ZNF599: variants seen among roughly 807,000 people sequenced by gnomAD.
The protein encoded by ZNF599 is zinc finger protein 599.
In ZNF599, 10 loss-of-function variants were observed where a neutral mutation model predicts 11.7. The ratio of observed to expected loss-of-function variants is 0.86; its 90% CI spans 0.53 to 1.45. The LOEUF (loss-of-function observed/expected upper bound fraction) is 1.45, where lower values mean the gene tolerates loss of function less well. Ranked by LOEUF, ZNF599 falls within the 40% of genes most tolerant of loss-of-function variation. The probability of loss-of-function intolerance (pLI) is 0.00; values close to 1 mark genes in which losing one functional copy is unlikely to be tolerated. For missense variants in ZNF599, 688 were observed against 713.6 expected (o/e 0.96, Z 0.41); for synonymous variants, 232 against 253.2 (o/e 0.92, Z 0.79).
At chr19:34,779,243 CTTTTTTT>C in the ZNF599 span, among the ~76,000 whole-genome samples, 5 of 57,318 alleles carry the variant, frequency 8.7e-5, no homozygotes, top group African/African-American at 2.9e-4. Context: ...CCATGCCCAG[CTTTTTTT>C]TTTTTTTTTT....
At chr19:34,762,641 T>G (rs1173135258) in intron 3 of ZNF599, among the ~76,000 whole-genome samples, 1 of 152,128 alleles carries the variant, frequency 6.6e-6, no homozygotes, top group Non-Finnish European at 1.5e-5. Context: ...TGCAATTGAC[T>G]CTAGCAGGAA....
chr19:34,776,725 G>A (rs2145472376), upstream of ZNF599, among the ~76,000 whole-genome samples: 1 of 152,352 alleles, frequency 6.6e-6, no homozygotes, highest in South Asian at 2.1e-4. Flanking sequence ...GCCAGTGGTA[G>A]AAGAAAACAG....
At chr19:34,803,526 G>A in the ZNF599 span, among the ~76,000 whole-genome samples, 1 of 152,094 alleles carries the variant, frequency 6.6e-6, no homozygotes. Flanking sequence ...AGCCTCTCTT[G>A]AGGACCCCCA....
chr19:34,760,930 A>T (rs1027510678), intron 3 of ZNF599, among the ~76,000 whole-genome samples: 1 of 152,212 alleles, frequency 6.6e-6, no homozygotes, highest in Non-Finnish European at 1.5e-5. Context: ...GGCCCAGATG[A>T]GAGACAGAGA....
the ZNF599 span, among the ~76,000 whole-genome samples, chr19:34,785,324 C>T: frequency 6.6e-6 from 1 of 152,194 alleles, no homozygotes; most frequent in Non-Finnish European, 1.5e-5. Context: ...TGGACTATTG[C>T]AGTAGCCTAT....
chr19:34,769,627 C>T (rs1600159174), intron 1 of ZNF599, 72 bp from the exon 2 acceptor site: 4 of 1,560,532 alleles, frequency 2.6e-6, no homozygotes, highest in Non-Finnish European at 3.5e-6. Flanking sequence ...TTCTTGGTTA[C>T]TGGCAAAGGG....
upstream of ZNF599, among the ~76,000 whole-genome samples, chr19:34,774,862 A>C (rs75618329): frequency 3.9e-5 from 6 of 152,228 alleles, no homozygotes; most frequent in East Asian, 1.2e-3. Context: ...AAACCATATA[A>C]TATTATGGGG....
intron 1 of ZNF599, chr19:34,772,491 C>T (rs2069189634): frequency 8.2e-7 from 1 of 1,212,674 alleles, no homozygotes; most frequent in Non-Finnish European, 1.0e-6. Context: ...ACAGGACCCA[C>T]GTCACAAGCG....
At chr19:34,780,801 GGAAAGAAAGAGAAA>G in the ZNF599 span, among the ~76,000 whole-genome samples, 2 of 147,912 alleles carry the variant, frequency 1.4e-5, no homozygotes, top group South Asian at 2.1e-4. Flanking sequence ...GAGAAAGAGA[GGAAAGAAAGAGAAA>G]GAAAGAAAGG....
chr19:34,805,448 G>A, the ZNF599 span, among the ~76,000 whole-genome samples: 1 of 151,900 alleles, frequency 6.6e-6, no homozygotes, highest in Non-Finnish European at 1.5e-5. Flanking sequence ...CACCCGCCTC[G>A]GCCTCCCAAA....
upstream of ZNF599, among the ~76,000 whole-genome samples, chr19:34,775,521 A>T (rs1195479072): frequency 6.6e-6 from 1 of 152,218 alleles, no homozygotes; most frequent in Non-Finnish European, 1.5e-5. Flanking sequence ...ATTGATATCT[A>T]AGGGATATGG....
the ZNF599 span, among the ~76,000 whole-genome samples, chr19:34,798,464 A>G: frequency 3.3e-5 from 5 of 152,190 alleles, no homozygotes; most frequent in Admixed American, 1.3e-4. Flanking sequence ...TTGCTAATCT[A>G]TAAATTCCTA....
chr19:34,776,653 C>A (rs1281950615), upstream of ZNF599, among the ~76,000 whole-genome samples: 1 of 152,108 alleles, frequency 6.6e-6, no homozygotes, highest in African/African-American at 2.4e-5. Context: ...TTAGTGGAGC[C>A]CCAAAGTGGG....
the ZNF599 span, among the ~76,000 whole-genome samples, chr19:34,802,749 G>A: frequency 6.6e-6 from 1 of 152,164 alleles, no homozygotes; most frequent in Non-Finnish European, 1.5e-5. Flanking sequence ...CAGCCCTGAT[G>A]TCATGCCCTC....
chr19:34,805,287 T>C, the ZNF599 span, among the ~76,000 whole-genome samples: 14 of 146,144 alleles, frequency 9.6e-5, no homozygotes, highest in East Asian at 1.1e-3. Context: ...AACCTCTGCC[T>C]CCCAGGTTCA....
At chr19:34,791,587 C>T in the ZNF599 span, among the ~76,000 whole-genome samples, 1 of 152,294 alleles carries the variant, frequency 6.6e-6, no homozygotes, top group Non-Finnish European at 1.5e-5. Context: ...GTGGCAATGT[C>T]AAGTATTAAG....
In ZNF599 at chr19:34,773,010, G is replaced by C. The variant is rs1223662590; in HGVS notation, c.-169C>G. Reference sequence around the variant, plus strand: ...CCTCTGCGCGCCGTGAGGACACAGGGCTGTCGCCAAGGCCCCAGGAAGGGT... The same window carrying C: ...CCTCTGCGCGCCGTGAGGACACAGGCCTGTCGCCAAGGCCCCAGGAAGGGT... On this transcript the variant is annotated 5_prime_UTR_variant, in exon 1 of 4. Coordinates refer to ENST00000329285, the MANE Select transcript of ZNF599 (RefSeq NM_001007248.3). 1.8e-5 allele frequency: 14 copies of C among 782,550 alleles called. No individual in the cohort carries two copies. The highest frequency in any genetic ancestry group is 2.7e-5 in the Non-Finnish European group (14 of 527,512). The allele number at this position is 782,550 out of a possible 1,614,324, so 48.5% of individuals were successfully genotyped here.
At chr19:34,801,178 G>A in the ZNF599 span, among the ~76,000 whole-genome samples, 2 of 152,192 alleles carry the variant, frequency 1.3e-5, no homozygotes, top group Non-Finnish European at 2.9e-5. Context: ...CATGGTTTAT[G>A]TGGATAAACC....
the ZNF599 span, among the ~76,000 whole-genome samples, chr19:34,787,196 A>G: frequency 6.6e-6 from 1 of 151,556 alleles, no homozygotes; most frequent in African/African-American, 2.4e-5. Flanking sequence ...GTCAGTACTC[A>G]TGAAATGCAT....
Sources: gnomAD v4.1 joint callset for allele counts (sites outside exome capture counted in the v4.1 genomes callset) on GRCh38, gnomAD v4.1.1 for gene constraint, MANE v1.5 for transcripts, NCBI Gene and HGNC (gene_info 2026-07-23, HGNC 2026-07-21) for gene names.